DTD1: variants seen among roughly 807,000 people sequenced by gnomAD.
DTD1 encodes D-tyrosyl-tRNA deacylase 1 homolog.
A neutral mutation model predicts 25.6 loss-of-function variants in DTD1; 13 were observed. The ratio of observed to expected loss-of-function variants is 0.51; its 90% CI spans 0.33 to 0.81. The LOEUF is 0.81. Among genes scored for constraint, DTD1 ranks in the 30% least tolerant of loss-of-function variants. The probability of loss-of-function intolerance (pLI) is 0.02; values close to 1 mark genes in which losing one functional copy is unlikely to be tolerated. For synonymous variants in DTD1, 110 were observed against 103.6 expected, an observed-to-expected ratio of 1.06 and a Z score of -0.37; for missense variants, 193 against 266.4, an observed-to-expected ratio of 0.72 and a Z score of 1.92.
intron 4 of DTD1, among the ~76,000 whole-genome samples, chr20:18,725,623 G>A (rs753158565): frequency 1.3e-5 from 2 of 151,972 alleles, no homozygotes; most frequent in Non-Finnish European, 1.5e-5. Flanking sequence ...CGTTTTTTGC[G>A]TAAGATGCTG....
At chr20:18,608,490 T>A (rs1222950378) in intron 3 of DTD1, among the ~76,000 whole-genome samples, 3 of 152,250 alleles carry the variant, frequency 2.0e-5, no homozygotes, top group African/African-American at 7.2e-5. Context: ...CTGCTTACTC[T>A]GCATTTAATT....
At chr20:18,645,026 T>G (rs6045531) in intron 4 of DTD1, among the ~76,000 whole-genome samples, 77,346 of 151,958 alleles carry the variant, frequency 0.51, 20,061 homozygotes, top group Middle Eastern at 0.57. Flanking sequence ...TGGTGCACGT[T>G]TGTAGTCCCA....
At chr20:18,683,588 A>G (rs2061005408) in intron 4 of DTD1, among the ~76,000 whole-genome samples, 1 of 152,164 alleles carries the variant, frequency 6.6e-6, no homozygotes, top group Admixed American at 6.5e-5. Flanking sequence ...AGTCTGTGTA[A>G]GTGCAGGTTG....
chr20:18,588,975 C>G, intron 1 of DTD1: 1 of 729,950 alleles, frequency 1.4e-6, no homozygotes, highest in East Asian at 1.3e-4. Flanking sequence ...TATATTGTTT[C>G]AGTTCAAATA....
intron 5 of DTD1, among the ~76,000 whole-genome samples, chr20:18,751,064 C>CGTATGTGTGTGT (rs1555804485): frequency 1.3e-5 from 2 of 150,290 alleles, no homozygotes; most frequent in African/African-American, 4.9e-5. Flanking sequence ...CTACAGCAGC[C>CGTATGTGTGTGT]GTGTGTGTGT....
At chr20:18,617,809 C>A (rs2060715101) in intron 3 of DTD1, among the ~76,000 whole-genome samples, 1 of 151,968 alleles carries the variant, frequency 6.6e-6, no homozygotes, top group Non-Finnish European at 1.5e-5. Context: ...TGTTTTATAT[C>A]TTGGCTTTAA....
chr20:18,670,269 A>G (rs2060947281), intron 4 of DTD1, among the ~76,000 whole-genome samples: 1 of 152,236 alleles, frequency 6.6e-6, no homozygotes, highest in African/African-American at 2.4e-5. Context: ...CAGCCTGGCC[A>G]ACATGGCAAA....
intron 4 of DTD1, among the ~76,000 whole-genome samples, chr20:18,669,170 A>C (rs563004525): frequency 5.3e-5 from 8 of 152,212 alleles, no homozygotes; most frequent in Non-Finnish European, 1.0e-4. Context: ...GGGGGTAGTG[A>C]GGTGAGTAGG....
chr20:18,713,499 C>T (rs2061168026), intron 4 of DTD1, among the ~76,000 whole-genome samples: 1 of 152,154 alleles, frequency 6.6e-6, no homozygotes, highest in Non-Finnish European at 1.5e-5. Flanking sequence ...TGGGTGTCTG[C>T]ATTGGTTGAG....
At chr20:18,612,110 C>CT (rs2060689441) in intron 3 of DTD1, among the ~76,000 whole-genome samples, 1 of 146,444 alleles carries the variant, frequency 6.8e-6, no homozygotes, top group South Asian at 2.2e-4. Context: ...TCTCGGCTCA[C>CT]TGCAAGCTCC....
intron 4 of DTD1, among the ~76,000 whole-genome samples, chr20:18,676,864 C>T (rs188832356): frequency 3.3e-5 from 5 of 152,216 alleles, no homozygotes; most frequent in Admixed American, 1.3e-4. Context: ...AATTCTCGTT[C>T]GCCCTTGAGT....
intron 4 of DTD1, among the ~76,000 whole-genome samples, chr20:18,661,710 A>G (rs1044407913): frequency 3.9e-5 from 6 of 152,224 alleles, no homozygotes; most frequent in Non-Finnish European, 5.9e-5. Context: ...CTCTCCATTT[A>G]TGAAACTTTG....
intron 2 of DTD1, 43 bp downstream of exon 2, chr20:18,593,864 G>A: frequency 6.6e-7 from 1 of 1,521,760 alleles, no homozygotes; most frequent in Non-Finnish European, 9.1e-7. Context: ...GGGCTATGTG[G>A]TGGTGGTCAT....
chr20:18,649,458 C>T (rs1336672130), intron 4 of DTD1, among the ~76,000 whole-genome samples: 1 of 150,406 alleles, frequency 6.6e-6, no homozygotes, highest in Non-Finnish European at 1.5e-5. Flanking sequence ...CCTGCCTCAG[C>T]CTCCCGAGTA....
At chr20:18,710,313 A>T (rs773520876) in intron 4 of DTD1, among the ~76,000 whole-genome samples, 15 of 152,238 alleles carry the variant, frequency 9.9e-5, no homozygotes, top group Non-Finnish European at 1.6e-4. Context: ...TTCATAAAAA[A>T]TGGACTTTTT....
intron 4 of DTD1, among the ~76,000 whole-genome samples, chr20:18,664,165 T>G (rs2060922416): frequency 6.6e-6 from 1 of 152,238 alleles, no homozygotes; most frequent in Admixed American, 6.5e-5. Flanking sequence ...TGTCCCACAG[T>G]TAAGTGATGG....
intron 3 of DTD1, among the ~76,000 whole-genome samples, chr20:18,622,350 G>A (rs572223999): frequency 6.6e-6 from 1 of 152,050 alleles, no homozygotes; most frequent in Non-Finnish European, 1.5e-5. Flanking sequence ...TACTTCCTAG[G>A]GGGTGAGGAA....
intron 5 of DTD1, among the ~76,000 whole-genome samples, chr20:18,748,748 T>TCG (rs2061310276): frequency 6.6e-6 from 1 of 152,238 alleles, no homozygotes; most frequent in East Asian, 1.9e-4. Context: ...AGGTATCTAC[T>TCG]TCTTGCTTCT....
At chr20:18,617,774 A>G (rs1399745610) in intron 3 of DTD1, among the ~76,000 whole-genome samples, 1 of 152,154 alleles carries the variant, frequency 6.6e-6, no homozygotes, top group East Asian at 1.9e-4. Flanking sequence ...TCCCCTTTCT[A>G]TACAAAAGGT....
Sources: gnomAD v4.1 joint callset for allele counts (sites outside exome capture counted in the v4.1 genomes callset) on GRCh38, gnomAD v4.1.1 for gene constraint, MANE v1.5 for transcripts, NCBI Gene and HGNC (gene_info 2026-07-23, HGNC 2026-07-21) for gene names.